Variants in MUC5B observed in about 807,000 individuals in gnomAD.
MUC5B encodes the protein mucin-5B.
A neutral mutation model predicts 376.9 loss-of-function variants in MUC5B; 116 were observed. The ratio of observed to expected loss-of-function variants is 0.31; its 90% CI spans 0.26 to 0.36. The LOEUF is 0.36. Among genes scored for constraint, MUC5B ranks in the 10% least tolerant of loss-of-function variants. The pLI is 1.00. For synonymous variants in MUC5B, 3,517 were observed against 3,390.9 expected (o/e 1.04, Z -1.29); for missense variants, 7,165 against 7,769.9 (o/e 0.92, Z 2.93).
rs1301658375 is a variant in MUC5B at position 1,242,481 on chromosome 11, C to T, written c.5601C>T (p.Asn1867=). 6.2e-7 allele frequency: 1 copy of T among 1,613,652 alleles called. No homozygotes were observed. The highest frequency in any genetic ancestry group is 1.3e-5 in the African/African-American group (1 of 74,852). The part of the protein sequence containing the change: ...CKNEDQTGRF[N]MCFNYNVRVL... ...ACGAAGACCAGACAGGCAGGTTCAACATGTGCTTCAACTACAACGTGCGTG... is the reference window on the plus strand; with the variant it reads ...ACGAAGACCAGACAGGCAGGTTCAATATGTGCTTCAACTACAACGTGCGTG... The change falls in exon 31 of 49, where the codon AAC becomes AAT. Residue 1867 remains asparagine, a synonymous_variant. Transcript: ENST00000529681.
chr11:1,227,175 T>A, intron 5 of MUC5B, 30 bp downstream of exon 5: 1 of 1,598,798 alleles, frequency 6.3e-7, no homozygotes, highest in Non-Finnish European at 8.6e-7. Context: ...CCTTGCCCCT[T>A]CAGGCCTGGC....
Position 1,232,168 on chromosome 11 carries a change from T to G in MUC5B, c.1843+8T>G. 1 of 1,586,412 alleles carries G rather than the reference T, an allele frequency of 6.3e-7. No individual in the cohort carries two copies. The highest frequency in any genetic ancestry group is 8.6e-7 in the Non-Finnish European group (1 of 1,164,758). On this transcript the variant is annotated splice_region_variant and intron_variant, in intron 15 of 48. Transcript: ENST00000529681. The stretch of plus-strand genomic sequence containing the variant: ...CCCTCAGTGTGGAGAATGGTACTCC[T>G]CGCCCCCACCCCCACAGTCACCCCA...
At chr11:1,235,957 T>C (rs113414246) in intron 23 of MUC5B, among the ~76,000 whole-genome samples, 5 of 152,128 alleles carry the variant, frequency 3.3e-5, no homozygotes, top group African/African-American at 1.2e-4. Flanking sequence ...CTGCCACACC[T>C]AGAGACACCC....
chr11:1,245,316 T>C lies in MUC5B; in HGVS notation c.8436T>C (p.Pro2812=). The change falls in exon 31 of 49, where the codon CCT becomes CCC. Residue 2812 remains proline (P), a synonymous_variant. Transcript: ENST00000529681. The part of the protein sequence containing the change: ...TQHSTPALSS[P]HPSSRTTESP... Reference sequence around the variant, plus strand: ...ACTCGACTCCAGCCCTGTCCAGCCCTCACCCTAGCAGCAGGACCACCGAGT... The same window carrying C: ...ACTCGACTCCAGCCCTGTCCAGCCCCCACCCTAGCAGCAGGACCACCGAGT... The C allele has an allele frequency of 6.3e-7, 1 of 1,576,814 alleles. No homozygotes were observed. Among genetic ancestry groups the C allele is most frequent in the Non-Finnish European group, 8.6e-7 (1 of 1,164,764 alleles).
Position 1,246,733 on chromosome 11 carries a change from A to G in MUC5B, c.9853A>G (p.Thr3285Ala). 2 of 1,608,786 alleles carry G rather than the reference A, an allele frequency of 1.2e-6. No individual in the cohort carries two copies. Among genetic ancestry groups the G allele is most frequent in the African/African-American group, 1.3e-5 (1 of 74,430 alleles). Residue 3285 changes from threonine (T) to alanine (A), a missense_variant, in exon 31 of 49, where the codon ACC becomes GCC. Thr to Ala is a moderately conservative substitution (Grantham distance 58). Around this residue, in one of 31 missense-constraint regions of MUC5B, gnomAD observed 939 missense variants for 770.6 expected, o/e 1.22. Transcript: ENST00000529681. ...CTCCACAGTGCTTACCACCACGACC[A>G]CCACAACCAGGGCCACCGGCTCTGT... The part of the protein sequence containing the change: ...HTSTVLTTTT[T>A]TTRATGSVAT...
chr11:1,231,849 GGCT>G, intron 14 of MUC5B, 144 bp from the exon 15 acceptor site: 1 of 1,192,930 alleles, frequency 8.4e-7, no homozygotes. Flanking sequence ...CCCCCGCCAG[GGCT>G]TATCTGCAGA....
At position 1,252,769 on chromosome 11, in the gene MUC5B, G is replaced by T. The variant is rs760477025; in HGVS notation, c.15046-40G>T. On this transcript the variant is annotated intron_variant, in intron 32 of 48. Coordinates refer to ENST00000529681, the MANE Select transcript of MUC5B (RefSeq NM_002458.3). ...GGGATGAGCCGTGGATGGGTCCCGT[G>T]AGCTGGTCCAGGTGAGGACGTGCAT... is the stretch of plus-strand genomic sequence containing the variant. The T allele has an allele frequency of 1.7e-5, 26 of 1,562,060 alleles. No homozygotes were observed. In the East Asian group the frequency reaches 2.9e-4, roughly 17 times the overall value.
chr11:1,248,890 G>A lies in MUC5B; in HGVS notation c.12010G>A (p.Val4004Met), dbSNP rs1247662930. 1.3e-6 allele frequency: 2 copies of A among 1,551,422 alleles called. No individual in the cohort carries two copies. Among genetic ancestry groups the A allele is most frequent in the Non-Finnish European group, 1.7e-6 (2 of 1,147,660 alleles). Residue 4004 changes from valine to methionine, a missense_variant, in exon 31 of 49, where the codon GTG (valine) becomes ATG (methionine). Around this residue, in one of 31 missense-constraint regions of MUC5B, gnomAD observed 47 missense variants for 98.5 expected, o/e 0.48. Coordinates refer to ENST00000529681, the MANE Select transcript of MUC5B (RefSeq NM_002458.3). ...SALGTTHTPP[V>M]PNTTATTHGR... Reference sequence around the variant, plus strand: ...CCTAGGGACCACCCACACACCCCCAGTGCCGAACACCACGGCCACCACACA... The same window carrying A: ...CCTAGGGACCACCCACACACCCCCAATGCCGAACACCACGGCCACCACACA...
chr11:1,250,827 C>T lies in MUC5B; in HGVS notation c.13947C>T (p.Ala4649=). 1 of 1,613,104 alleles carries T rather than the reference C, an allele frequency of 6.2e-7. No homozygotes were observed. The highest frequency in any genetic ancestry group is 1.1e-5 in the South Asian group (1 of 91,036). ...CCATCCCGGGGACCACCCACACCGC[C>T]AGAGTGCTGACCACCACCACCACAA... is the stretch of plus-strand genomic sequence containing the variant. ...PSSIPGTTHT[A]RVLTTTTTTV... is the part of the protein sequence containing the mutation. Residue 4649 remains alanine, a synonymous_variant, in exon 31 of 49, where the codon GCC becomes GCT. Transcript: ENST00000529681.
chr11:1,226,505 G>A (rs1292419592), intron 3 of MUC5B, 110 bp from the exon 4 acceptor site: 18 of 1,432,480 alleles, frequency 1.3e-5, no homozygotes, highest in Non-Finnish European at 1.7e-5. Context: ...GGCACAGCCA[G>A]CAGCCGACCA....
intron 10 of MUC5B, 48 bp downstream of exon 10, chr11:1,229,855 C>T (rs1861981300): frequency 6.4e-7 from 1 of 1,550,778 alleles, no homozygotes; most frequent in East Asian, 2.4e-5. Context: ...TGTGGAGCTC[C>T]TGGTATTTAT....
chr11:1,241,128 C>A lies in MUC5B; in HGVS notation c.4248C>A (p.Leu1416=). ...MCANSQQSPP[L]CHDYELRVLC... The stretch of plus-strand genomic sequence containing the variant: ...CCAACAGCCAACAGAGTCCCCCGCT[C>A]TGTCACGACTACGAGCTGCGGGTTC... Residue 1416 remains leucine (L), a synonymous_variant, in exon 31 of 49, where the codon CTC becomes CTA. Transcript: ENST00000529681. The A allele has an allele frequency of 6.2e-7, 1 of 1,611,554 alleles. No homozygotes were observed.
In MUC5B at chr11:1,245,054, C is replaced by T. The variant is rs1429045430; in HGVS notation, c.8174C>T (p.Thr2725Ile). ...IPPVLTTTAT[T>I]PAATSSTVTP... is the part of the protein sequence containing the mutation. ...CCAGTGCTGACCACCACCGCCACCA[C>T]ACCTGCAGCCACCAGCAGCACAGTG... The change falls in exon 31 of 49, where the codon ACA becomes ATA. Residue 2725 changes from threonine (T) to isoleucine (I), a missense_variant. Around this residue, in one of 31 missense-constraint regions of MUC5B, gnomAD observed 70 missense variants for 169.1 expected, o/e 0.41. Transcript: ENST00000529681. 17 of 1,546,174 alleles carry T rather than the reference C, an allele frequency of 1.1e-5. No homozygotes were observed. The highest frequency in any genetic ancestry group is 1.4e-5 in the Non-Finnish European group (16 of 1,144,614).
At position 1,251,415 on chromosome 11, in the gene MUC5B, C is replaced by T. The variant is rs754560275; in HGVS notation, c.14535C>T (p.Thr4845=). The stretch of plus-strand genomic sequence containing the variant: ...CCCTGTCCTCCACCCCAGGGACCAC[C>T]TGGATCCTCACAGAGCCGAGCACTA... ...TATLSSTPGT[T]WILTEPSTIA... Residue 4845 remains threonine (T), a synonymous_variant, in exon 31 of 49, where the codon ACC becomes ACT. Coordinates refer to ENST00000529681, the MANE Select transcript of MUC5B (RefSeq NM_002458.3). The T allele has an allele frequency of 5.0e-6, 8 of 1,612,612 alleles. No homozygotes were observed. Among genetic ancestry groups the T allele is most frequent in the Middle Eastern group, 3.3e-4 (2 of 6,084 alleles).
Position 1,239,469 on chromosome 11 carries a change from G to A in MUC5B, c.3486G>A (p.Gly1162=), listed in dbSNP as rs369422339. ...TCTGTGACTTCTACAACCCACATGG[G>A]GGCTGTGAGTGGCACTACCAGCCCT... ...PLFCDFYNPH[G]GCEWHYQPCG... The change falls in exon 27 of 49, where the codon GGG becomes GGA. Residue 1162 remains glycine, a synonymous_variant. Coordinates refer to ENST00000529681, the MANE Select transcript of MUC5B (RefSeq NM_002458.3). 19 of 1,608,080 alleles carry A rather than the reference G, an allele frequency of 1.2e-5. No individual in the cohort carries two copies. The highest frequency in any genetic ancestry group is 1.6e-5 in the Non-Finnish European group (19 of 1,176,230).
chr11:1,261,814 CAG>C lies in MUC5B; in HGVS notation c.*207_*208del. 4.3e-6 allele frequency: 3 copies of C among 702,264 alleles called. No individual in the cohort carries two copies. The Middle Eastern group carries it at 6.9e-4, about 162-fold the overall frequency. 43.5% of individuals were successfully genotyped at this position (702,264 alleles called of 1,614,324 possible). A position where few individuals can be genotyped will look rare whatever the true frequency, so the allele number is the denominator to read the frequency against. ...GGACCCCTTTCGGGAGGGCGCCACT[CAG>C]GAGTCCTACCCTGGGAGAGCCTGTG... is the stretch of plus-strand genomic sequence containing the variant. On this transcript the variant is annotated 3_prime_UTR_variant, in exon 49 of 49. Transcript: ENST00000529681.
At chr11:1,237,284 G>C (rs773480978) in intron 25 of MUC5B, 120 bp downstream of exon 25, 1 of 1,210,616 alleles carries the variant, frequency 8.3e-7, no homozygotes, top group Non-Finnish European at 1.0e-6. Flanking sequence ...CATGTCCCAC[G>C]GCACACAGTC....
Position 1,247,374 on chromosome 11 carries a change from C to G in MUC5B, c.10494C>G (p.Thr3498=). The change falls in exon 31 of 49, where the codon ACC becomes ACG. Residue 3498 remains threonine (T), a synonymous_variant. Coordinates refer to ENST00000529681, the MANE Select transcript of MUC5B (RefSeq NM_002458.3). ...TGACTTCCCACACCCCAGCAGCAAC[C>G]ACCAGTACCACCCAGCACTCGACTC... The part of the protein sequence containing the change: ...STVTSHTPAA[T]TSTTQHSTPA... 6.2e-7 allele frequency: 1 copy of G among 1,610,646 alleles called. No individual in the cohort carries two copies. The highest frequency in any genetic ancestry group is 8.5e-7 in the Non-Finnish European group (1 of 1,179,204).
In MUC5B at chr11:1,229,166, G is replaced by A. The variant is rs766432060; in HGVS notation, c.977-4G>A. 34 of 1,583,880 alleles carry A rather than the reference G, an allele frequency of 2.1e-5. No individual in the cohort carries two copies. The highest frequency in any genetic ancestry group is 1.1e-4 in the East Asian group (5 of 43,756). On this transcript the variant is annotated splice_polypyrimidine_tract_variant and splice_region_variant and intron_variant, in intron 8 of 48. Coordinates refer to ENST00000529681, the MANE Select transcript of MUC5B (RefSeq NM_002458.3). ...CTGGCCCAGCCCCACCTCCTTTTGC[G>A]CAGCCCGGACCTGCCCCCTCAACAT...
Sources: gnomAD v4.1 joint callset for allele counts (sites outside exome capture counted in the v4.1 genomes callset) on GRCh38, gnomAD v4.1.1 for gene constraint, gnomAD v4.1.1 regional missense constraint, MANE v1.5 for transcripts, NCBI Gene and HGNC (gene_info 2026-07-23, HGNC 2026-07-21) for gene names.